Variants in GRID2 observed in about 807,000 individuals in gnomAD.
The protein encoded by GRID2 is glutamate ionotropic receptor delta type subunit 2.
GRID2 carries 33 observed loss-of-function variants against 114.8 expected under a neutral mutation model. The observed-to-expected ratio is 0.29, with a 90% CI of 0.22 to 0.38. GRID2 has a LOEUF of 0.38. Among genes scored for constraint, GRID2 ranks in the 10% least tolerant of loss-of-function variants. The pLI is 1.00. For synonymous variants in GRID2, 505 were observed against 449.9 expected (o/e 1.12, Z -1.55); for missense variants, 1,184 against 1,257.7 (o/e 0.94, Z 0.89).
chr4:92,791,418 C>G (rs1243491748), intron 2 of GRID2, among the ~76,000 whole-genome samples: 1 of 151,752 alleles, frequency 6.6e-6, no homozygotes, highest in Non-Finnish European at 1.5e-5. Flanking sequence ...AGTACACAAT[C>G]TGCACATAAA....
intron 2 of GRID2, among the ~76,000 whole-genome samples, chr4:93,062,047 A>G (rs1727855368): frequency 2.0e-5 from 3 of 152,140 alleles, no homozygotes; most frequent in Admixed American, 2.0e-4. Flanking sequence ...GGTCTGATTA[A>G]GGTGGACATT....
At chr4:93,277,475 G>T (rs1371534497) in intron 8 of GRID2, among the ~76,000 whole-genome samples, 1 of 151,366 alleles carries the variant, frequency 6.6e-6, no homozygotes, top group East Asian at 1.9e-4. Context: ...TCGTCTTATT[G>T]TCTTTAATAA....
chr4:93,719,459 AT>A (rs1249178619), intron 14 of GRID2, among the ~76,000 whole-genome samples: 1 of 151,976 alleles, frequency 6.6e-6, no homozygotes, highest in Non-Finnish European at 1.5e-5. Context: ...CTTTTTATAG[AT>A]AAAGTGATTT....
chr4:92,600,042 GTGTATATATATATATATATA>G (rs1160845896), intron 2 of GRID2, among the ~76,000 whole-genome samples: 144 of 70,366 alleles, frequency 2.0e-3, no homozygotes, highest in African/African-American at 7.8e-3. Flanking sequence ...GTGTGTGTGT[GTGTATATATATATATATATA>G]TATATATATA....
intron 12 of GRID2, among the ~76,000 whole-genome samples, chr4:93,507,877 ATTCACTGGAGGTTCAATG>A (rs1476943768): frequency 6.6e-6 from 1 of 152,178 alleles, no homozygotes; most frequent in Non-Finnish European, 1.5e-5. Flanking sequence ...ATGACAGGCA[ATTCACTGGAGGTTCAATG>A]AAGCTTGCCC....
At chr4:93,216,494 G>A (rs1173943037) in intron 5 of GRID2, among the ~76,000 whole-genome samples, 2 of 152,100 alleles carry the variant, frequency 1.3e-5, no homozygotes, top group Admixed American at 1.3e-4. Flanking sequence ...CCATATGTAA[G>A]ACAATTGCTC....
At chr4:93,578,585 GTATTTTT>G (rs1424727975) in intron 13 of GRID2, among the ~76,000 whole-genome samples, 1 of 115,260 alleles carries the variant, frequency 8.7e-6, no homozygotes, top group African/African-American at 3.8e-5. Context: ...CTTGTTTTTT[GTATTTTT>G]TTTTTTTTTT....
At chr4:93,591,023 T>G (rs1287478142) in intron 13 of GRID2, among the ~76,000 whole-genome samples, 6 of 151,404 alleles carry the variant, frequency 4.0e-5, no homozygotes, top group Non-Finnish European at 7.4e-5. Flanking sequence ...GGACTTCCTC[T>G]TTTCCTAATT....
chr4:93,154,782 C>T (rs1737028799), intron 4 of GRID2, among the ~76,000 whole-genome samples: 1 of 151,582 alleles, frequency 6.6e-6, no homozygotes, highest in East Asian at 2.0e-4. Flanking sequence ...AACACCACCA[C>T]CACCACCACC....
At chr4:93,013,429 A>G (rs924306572) in intron 2 of GRID2, among the ~76,000 whole-genome samples, 8 of 152,008 alleles carry the variant, frequency 5.3e-5, no homozygotes, top group Admixed American at 4.6e-4. Flanking sequence ...GATTTCAAAT[A>G]AGCCTACATA....
At chr4:93,476,456 A>C (rs1046217201) in intron 11 of GRID2, among the ~76,000 whole-genome samples, 3 of 152,122 alleles carry the variant, frequency 2.0e-5, no homozygotes, top group Non-Finnish European at 4.4e-5. Flanking sequence ...TAAACTTTCA[A>C]ATGTTTTAAT....
chr4:93,787,116 C>T (rs1257229129), intron 1 of GRID2, among the ~76,000 whole-genome samples: 1 of 151,620 alleles, frequency 6.6e-6, no homozygotes, highest in Non-Finnish European at 1.5e-5. Context: ...ACTGGGTCTT[C>T]TGCATCCAGT....
At chr4:93,349,609 C>T (rs1412586053) in intron 8 of GRID2, among the ~76,000 whole-genome samples, 1 of 151,908 alleles carries the variant, frequency 6.6e-6, no homozygotes, top group Admixed American at 6.6e-5. Context: ...GTCATAGTCT[C>T]CTAATTGTAT....
chr4:93,521,261 C>T (rs1365556554), intron 13 of GRID2, among the ~76,000 whole-genome samples: 6 of 152,054 alleles, frequency 3.9e-5, no homozygotes, highest in Admixed American at 6.6e-5. Context: ...TTACTCATTA[C>T]GCAGGCAAAG....
chr4:93,762,664 T>C (rs1204629612), intron 14 of GRID2, among the ~76,000 whole-genome samples: 1 of 152,110 alleles, frequency 6.6e-6, no homozygotes, highest in Non-Finnish European at 1.5e-5. Context: ...AATGCTTCTC[T>C]TCCCTTTAGG....
chr4:93,275,312 A>G (rs989107055), intron 8 of GRID2, among the ~76,000 whole-genome samples: 7 of 151,824 alleles, frequency 4.6e-5, no homozygotes, highest in Non-Finnish European at 8.8e-5. Context: ...TTATCCATTG[A>G]TTAATTAATA....
intron 1 of GRID2, among the ~76,000 whole-genome samples, chr4:92,571,848 A>G (rs944374469): frequency 2.6e-5 from 4 of 152,228 alleles, no homozygotes; most frequent in African/African-American, 4.8e-5. Flanking sequence ...GAACAAAGAC[A>G]TAACATACCA....
chr4:93,288,621 A>G (rs1753425519), intron 8 of GRID2, among the ~76,000 whole-genome samples: 1 of 152,150 alleles, frequency 6.6e-6, no homozygotes. Context: ...TATACTTTTT[A>G]TTGCATACAT....
intron 11 of GRID2, among the ~76,000 whole-genome samples, chr4:93,479,746 C>T (rs1424172159): frequency 6.6e-6 from 1 of 152,044 alleles, no homozygotes; most frequent in Non-Finnish European, 1.5e-5. Context: ...CGCCAGCTAA[C>T]TGGATGGTAC....
Sources: gnomAD v4.1 joint callset for allele counts (sites outside exome capture counted in the v4.1 genomes callset) on GRCh38, gnomAD v4.1.1 for gene constraint, MANE v1.5 for transcripts, NCBI Gene and HGNC (gene_info 2026-07-23, HGNC 2026-07-21) for gene names.